ODF2L: variants seen among roughly 807,000 people sequenced by gnomAD.
ODF2L encodes protein BCAP.
Under a neutral mutation model 86.3 loss-of-function variants are expected in ODF2L, and 76 were observed. The ratio of observed to expected loss-of-function variants is 0.88; its 90% CI spans 0.73 to 1.07. ODF2L has a LOEUF of 1.07. Among genes scored for constraint, ODF2L ranks in the 50% least tolerant of loss-of-function variants. ODF2L has a pLI of 0.00. For missense variants in ODF2L, 748 were observed against 717.4 expected (o/e 1.04, Z -0.49); for synonymous variants, 241 against 231.3 (o/e 1.04, Z -0.38).
intron 13 of ODF2L, 32 bp from the exon 13 acceptor site, chr1:86,356,634 G>T: frequency 6.3e-7 from 1 of 1,584,086 alleles, no homozygotes; most frequent in South Asian, 1.1e-5. Flanking sequence ...ATAAGTGCAA[G>T]ATCACACATT....
At chr1:86,379,587 T>C (rs1487540273) in intron 7 of ODF2L, among the ~76,000 whole-genome samples, 1 of 152,184 alleles carries the variant, frequency 6.6e-6, no homozygotes, top group Non-Finnish European at 1.5e-5. Flanking sequence ...CTCTTCACTT[T>C]GAAAGACAAA....
At chr1:86,357,446 T>C (rs1013783061) in intron 13 of ODF2L, among the ~76,000 whole-genome samples, 4 of 151,722 alleles carry the variant, frequency 2.6e-5, no homozygotes, top group African/African-American at 9.7e-5. Flanking sequence ...GAAAAAAGAC[T>C]TGTCGCCATC....
intron 13 of ODF2L, chr1:86,358,001 G>T: frequency 1.0e-6 from 1 of 984,968 alleles, no homozygotes; most frequent in Non-Finnish European, 1.2e-6. Context: ...CATGAAAGCA[G>T]TAAGTTGTGC....
At chr1:86,366,604 T>TAAAAAA (rs1659456898) in intron 11 of ODF2L, among the ~76,000 whole-genome samples, 1 of 42,332 alleles carries the variant, frequency 2.4e-5, no homozygotes. Context: ...AGACTCTGTC[T>TAAAAAA]CAAAAAAAAA....
intron 1 of ODF2L, among the ~76,000 whole-genome samples, chr1:86,395,266 T>C (rs1661649836): frequency 6.6e-6 from 1 of 152,184 alleles, no homozygotes; most frequent in Admixed American, 6.5e-5. Flanking sequence ...ATAGATTTTA[T>C]CCCCAACAGC....
chr1:86,378,936 T>C (rs886617901), intron 7 of ODF2L, among the ~76,000 whole-genome samples: 3 of 151,774 alleles, frequency 2.0e-5, no homozygotes, highest in Non-Finnish European at 2.9e-5. Context: ...TGGGAGGTGG[T>C]TGGATCATGG....
intron 1 of ODF2L, among the ~76,000 whole-genome samples, chr1:86,390,517 G>T (rs1661249802): frequency 6.6e-6 from 1 of 152,100 alleles, no homozygotes; most frequent in Admixed American, 6.5e-5. Flanking sequence ...CAGATGCAGG[G>T]ATGGTTTAAC....
rs1370544529 is a variant in ODF2L, at chr1:86,383,212, T to C, written c.373-16A>G. 1 of 1,425,726 alleles carries C rather than the reference T, an allele frequency of 7.0e-7. No individual in the cohort carries two copies. Among genetic ancestry groups the C allele is most frequent in the South Asian group, 1.3e-5 (1 of 79,546 alleles). The allele number at this position is 1,425,726 out of a possible 1,614,324, so 88.3% of individuals were successfully genotyped here. On this transcript the variant is annotated splice_polypyrimidine_tract_variant and intron_variant, in intron 4 of 17. Transcript: ENST00000317336. The stretch of plus-strand genomic sequence containing the variant: ...TGTCTCCTGTCTGAGAAAAGAATGT[T>C]ATAAATCAGTGATCGCAAATTATAT...
At chr1:86,357,822 G>T in intron 13 of ODF2L, 3 of 985,000 alleles carry the variant, frequency 3.0e-6, no homozygotes, top group Non-Finnish European at 3.6e-6. Context: ...AAAAAGACAG[G>T]CTCCAACCCT....
At chr1:86,354,790 A>G (rs776998988) in exon 15 of ODF2L, 1 of 1,593,752 alleles carries the variant, frequency 6.3e-7, no homozygotes, top group Admixed American at 1.7e-5. Context: ...AGGTTTTCAC[A>G]CTTCAGCTGA....
intron 1 of ODF2L, among the ~76,000 whole-genome samples, chr1:86,388,318 T>C (rs759300030): frequency 2.6e-5 from 4 of 152,104 alleles, no homozygotes; most frequent in Non-Finnish European, 4.4e-5. Flanking sequence ...GATAAGTCAC[T>C]GCAATCAAGA....
In ODF2L at chr1:86,377,089, G is replaced by T. The variant is rs183050784; in HGVS notation, c.625-671C>A. Among the ~76,000 whole-genome samples, 15 of 152,224 alleles carry T rather than the reference G, an allele frequency of 9.9e-5. No individual in the cohort carries two copies. In the East Asian group the frequency reaches 2.7e-3, roughly 27 times the overall value. ...GTTAATTACTTCCAAGAAACAATGG[G>T]GGCACAGGTATTAGGTAAATGTTCC... On this transcript the variant is annotated intron_variant, in intron 7 of 17. Transcript: ENST00000317336.
chr1:86,361,697 GATT>G (rs1241433459), intron 11 of ODF2L, among the ~76,000 whole-genome samples: 24 of 151,870 alleles, frequency 1.6e-4, no homozygotes, highest in African/African-American at 5.6e-4. Flanking sequence ...ACAAATATAA[GATT>G]AATATCCTTA....
intron 11 of ODF2L, among the ~76,000 whole-genome samples, chr1:86,366,934 T>C (rs1454008302): frequency 6.6e-6 from 1 of 151,850 alleles, no homozygotes; most frequent in Non-Finnish European, 1.5e-5. Flanking sequence ...AGAAATAATA[T>C]AACAGAATTT....
exon 16 of ODF2L, chr1:86,354,654 T>G: frequency 6.2e-7 from 1 of 1,612,270 alleles, no homozygotes; most frequent in Non-Finnish European, 8.5e-7. Context: ...CAGCTTCTTC[T>G]CAAGCTCTTT....
downstream of ODF2L, chr1:86,348,732 G>A: frequency 6.9e-7 from 1 of 1,446,164 alleles, no homozygotes; most frequent in Non-Finnish European, 9.1e-7. Flanking sequence ...ACTACTTAGA[G>A]AAAATAAATT....
chr1:86,346,942 C>G (rs1233805916), downstream of ODF2L: 1 of 152,220 alleles, frequency 6.6e-6, no homozygotes, highest in African/African-American at 2.4e-5. Context: ...CACTTACTAG[C>G]TGTGCGACCT....
chr1:86,367,788 A>G (rs1056369283), intron 11 of ODF2L, among the ~76,000 whole-genome samples: 1 of 152,206 alleles, frequency 6.6e-6, no homozygotes, highest in African/African-American at 2.4e-5. Context: ...CAAATTGTCA[A>G]TTTAACAACA....
In ODF2L at chr1:86,372,456, C is replaced by A; in HGVS notation, c.895G>T (p.Glu299Ter). 1 of 1,487,702 alleles carries A rather than the reference C, an allele frequency of 6.7e-7. No individual in the cohort carries two copies. The highest frequency in any genetic ancestry group is 9.0e-7 in the Non-Finnish European group (1 of 1,113,220). 92.2% of individuals were successfully genotyped at this position (1,487,702 alleles called of 1,614,324 possible). Residue 299 changes from glutamate (E) to a stop codon, truncating the protein, a stop_gained, in exon 9 of 18, where the codon GAA becomes TAA. Coordinates refer to ENST00000317336, the Ensembl canonical transcript of ODF2L. LOFTEE classifies it high-confidence loss of function. ...TTTTTCATTGTTTCAATCTGTACTT[C>A]CAATTCGGTTTTTTCTATCACAATT...
Sources: allele counts gnomAD v4.1 joint callset (sites outside exome capture counted in the v4.1 genomes callset), GRCh38; gene constraint gnomAD v4.1.1; transcripts MANE v1.5; gene names NCBI Gene and HGNC (gene_info 2026-07-23, HGNC 2026-07-21).